Variants in L2HGDH observed in about 807,000 individuals in gnomAD.
L2HGDH encodes the protein L-2-hydroxyglutarate dehydrogenase.
A neutral mutation model predicts 51.5 loss-of-function variants in L2HGDH; 34 were observed. The ratio of observed to expected loss-of-function variants is 0.66; its 90% CI spans 0.50 to 0.88. The LOEUF (loss-of-function observed/expected upper bound fraction) is 0.88, where lower values mean the gene tolerates loss of function less well. Among genes scored for constraint, L2HGDH ranks in the 40% least tolerant of loss-of-function variants. The pLI, the probability that L2HGDH is intolerant of heterozygous loss-of-function variation, is 0.00. For synonymous variants in L2HGDH, 198 were observed against 197.9 expected (o/e 1.00, Z -0.01); for missense variants, 558 against 571.9 (o/e 0.98, Z 0.25).
At chr14:50,292,652 G>A (rs1890947164) in intron 4 of L2HGDH, among the ~76,000 whole-genome samples, 2 of 152,192 alleles carry the variant, frequency 1.3e-5, no homozygotes, top group Admixed American at 1.3e-4. Flanking sequence ...GTTGCGGTGA[G>A]CTGAGATTGC....
At chr14:50,279,921 A>G (rs1429062665) in intron 5 of L2HGDH, among the ~76,000 whole-genome samples, 2 of 151,772 alleles carry the variant, frequency 1.3e-5, no homozygotes, top group Non-Finnish European at 2.9e-5. Context: ...TTAGCTGGGC[A>G]TGGTGGTGCA....
Position 50,284,028 on chromosome 14 carries a change from T to G in L2HGDH, c.546A>C (p.Leu182=), listed in dbSNP as rs779930058. The G allele has an allele frequency of 7.4e-6, 12 of 1,613,324 alleles. No individual in the cohort carries two copies. Residue 182 remains leucine (L), a synonymous_variant, in exon 5 of 10, where the codon CTA becomes CTC. Coordinates refer to ENST00000267436, the MANE Select transcript of L2HGDH (RefSeq NM_024884.3). The part of the protein sequence containing the change: ...IKKKEPYCRG[L]MAIDCPHTGI... ...CAGTATGTGGACAATCAATAGCCATTAGACCCTGAAACAGAATTATGAAAA... is the reference window on the plus strand; with the variant it reads ...CAGTATGTGGACAATCAATAGCCATGAGACCCTGAAACAGAATTATGAAAA...
intron 9 of L2HGDH, among the ~76,000 whole-genome samples, chr14:50,247,724 A>G (rs2139924185): frequency 6.6e-6 from 1 of 152,314 alleles, no homozygotes; most frequent in South Asian, 2.1e-4. Context: ...TGTTTTTAAA[A>G]TTCACACAAT....
At chr14:50,286,789 G>A (rs1354890259) in intron 4 of L2HGDH, among the ~76,000 whole-genome samples, 2 of 152,140 alleles carry the variant, frequency 1.3e-5, no homozygotes, top group Non-Finnish European at 2.9e-5. Flanking sequence ...TTCAAGTGGG[G>A]GTTTGTCTCT....
At chr14:50,266,262 A>C (rs1421061203) in intron 8 of L2HGDH, among the ~76,000 whole-genome samples, 2 of 152,214 alleles carry the variant, frequency 1.3e-5, no homozygotes, top group African/African-American at 4.8e-5. Flanking sequence ...TGGAAATATT[A>C]GATGCCTTCA....
rs963915703 is a variant in L2HGDH at position 50,261,897 on chromosome 14, T to C, written c.1196+3461A>G. On this transcript the variant is annotated intron_variant, in intron 9 of 9. Transcript: ENST00000267436. ...TCCAATCTCATGTTCACCAGTAAAT[T>C]ATTGCCCAAAATGCTCTGGCTAAGC... Among the ~76,000 whole-genome samples, 8 of 152,192 alleles carry C rather than the reference T, an allele frequency of 5.3e-5. 1 individual carries two copies. Among genetic ancestry groups the C allele is most frequent in the African/African-American group, 1.9e-4 (8 of 41,434 alleles).
intron 7 of L2HGDH, among the ~76,000 whole-genome samples, 196 bp from the exon 8 acceptor site, chr14:50,268,106 T>C (rs530366593): frequency 6.6e-6 from 1 of 152,198 alleles, no homozygotes; most frequent in Admixed American, 6.5e-5. Flanking sequence ...TGGCTGGGTG[T>C]GGTGGCTCAC....
chr14:50,259,364 C>T (rs12882212), intron 9 of L2HGDH, among the ~76,000 whole-genome samples: 118,441 of 137,894 alleles, frequency 0.86, 51,024 homozygotes, highest in East Asian at 0.91. Context: ...TTTTCTTTTT[C>T]GGTTTTTTTT....
intron 1 of L2HGDH, among the ~76,000 whole-genome samples, chr14:50,309,314 A>G (rs2030914567): frequency 6.6e-6 from 1 of 152,134 alleles, no homozygotes; most frequent in Non-Finnish European, 1.5e-5. Context: ...TGTAATCCCA[A>G]TACTTTGGGA....
intron 9 of L2HGDH, among the ~76,000 whole-genome samples, chr14:50,264,960 A>G (rs1053010896): frequency 2.0e-5 from 3 of 152,246 alleles, no homozygotes; most frequent in Non-Finnish European, 4.4e-5. Flanking sequence ...GTGATCAATA[A>G]TCTTATACAA....
At chr14:50,299,397 AAAG>A (rs1334157748) in intron 3 of L2HGDH, among the ~76,000 whole-genome samples, 1 of 152,336 alleles carries the variant, frequency 6.6e-6, no homozygotes, top group Admixed American at 6.5e-5. Flanking sequence ...CCAAACATTT[AAAG>A]AAGAACTAAT....
intron 9 of L2HGDH, among the ~76,000 whole-genome samples, chr14:50,259,008 CTCT>C (rs1445725714): frequency 4.2e-5 from 6 of 143,576 alleles, no homozygotes; most frequent in Non-Finnish European, 7.5e-5. Context: ...CCACGCCAGG[CTCT>C]TTTTTTTTTT....
intron 1 of L2HGDH, among the ~76,000 whole-genome samples, chr14:50,306,739 G>A (rs1933171575): frequency 6.6e-6 from 1 of 152,040 alleles, no homozygotes; most frequent in African/African-American, 2.4e-5. Flanking sequence ...TGTGGGGCAT[G>A]TAGACAGTTC....
At chr14:50,263,774 CTTTT>C (rs11458897) in intron 9 of L2HGDH, among the ~76,000 whole-genome samples, 2 of 137,266 alleles carry the variant, frequency 1.5e-5, no homozygotes, top group Admixed American at 1.5e-4. Context: ...AGCCTTTTAT[CTTTT>C]TTTTTTTTTT....
At chr14:50,267,370 G>C (rs1374331061) in intron 8 of L2HGDH, among the ~76,000 whole-genome samples, 1 of 151,948 alleles carries the variant, frequency 6.6e-6, no homozygotes, top group South Asian at 2.1e-4. Flanking sequence ...TTTTAGTAGA[G>C]ATGGGGCTTC....
chr14:50,291,901 G>A (rs1890904696), intron 4 of L2HGDH, among the ~76,000 whole-genome samples: 6 of 152,044 alleles, frequency 3.9e-5, no homozygotes, highest in Admixed American at 3.9e-4. Flanking sequence ...AAATGTCTGG[G>A]TATAAAAAGT....
In L2HGDH at chr14:50,278,520, CT is replaced by C; in HGVS notation, c.737del (p.Lys246ArgfsTer11). 1 of 1,488,910 alleles carries C rather than the reference CT, an allele frequency of 6.7e-7. No individual in the cohort carries two copies. The highest frequency in any genetic ancestry group is 9.3e-7 in the Non-Finnish European group (1 of 1,074,002). 92.2% of individuals were successfully genotyped at this position (1,488,910 alleles called of 1,614,324 possible). A position where few individuals can be genotyped will look rare whatever the true frequency, so the allele number is the denominator to read the frequency against. On this transcript the variant is annotated frameshift_variant and splice_region_variant, in exon 6 of 10. Coordinates refer to ENST00000267436, the MANE Select transcript of L2HGDH (RefSeq NM_024884.3). LOFTEE classifies it high-confidence loss of function. ...AGCAGTTTTGCTTAAGAATCTTTACCTTTGTATTCTTTATAACAATTGGATA... is the reference window on the plus strand; with the variant it reads ...AGCAGTTTTGCTTAAGAATCTTTACCTTGTATTCTTTATAACAATTGGATA... ...MQYPIVIKNT[K>X]GEEIRCQYVV...
In L2HGDH at chr14:50,242,766, G is replaced by A. The variant is rs1341143679; in HGVS notation, c.*4292C>T. 12 of 985,228 alleles carry A rather than the reference G, an allele frequency of 1.2e-5. No homozygotes were observed. The highest frequency in any genetic ancestry group is 1.7e-5 in the African/African-American group (1 of 57,222). 61.0% of individuals were successfully genotyped at this position (985,228 alleles called of 1,614,324 possible). A position where few individuals can be genotyped will look rare whatever the true frequency, so the allele number is the denominator to read the frequency against. On this transcript the variant is annotated 3_prime_UTR_variant, in exon 10 of 10. Coordinates refer to ENST00000267436, the MANE Select transcript of L2HGDH (RefSeq NM_024884.3). ...AGAAAAGCTTAGAAACTGACTTTAC[G>A]ATTACAACTCAAAAATGTTTACAAG...
chr14:50,307,429 G>C (rs1206751672), intron 1 of L2HGDH, among the ~76,000 whole-genome samples: 1 of 152,192 alleles, frequency 6.6e-6, no homozygotes, highest in Non-Finnish European at 1.5e-5. Context: ...GGAGACAGGT[G>C]AACAGAACAA....
Sources: gnomAD v4.1 joint callset for allele counts (sites outside exome capture counted in the v4.1 genomes callset) on GRCh38, gnomAD v4.1.1 for gene constraint, MANE v1.5 for transcripts, NCBI Gene and HGNC (gene_info 2026-07-23, HGNC 2026-07-21) for gene names.